The following CA10 variants were observed in gnomAD, a reference collection of about 807,000 sequenced individuals.
CA10 encodes the protein carbonic anhydrase 10 (inactive).
A neutral mutation model predicts 44.2 loss-of-function variants in CA10; 14 were observed. The observed-to-expected ratio is 0.32, with a 90% CI of 0.21 to 0.50. The LOEUF is 0.50. Among genes scored for constraint, CA10 ranks in the 20% least tolerant of loss-of-function variants. The pLI is 0.99. For synonymous variants in CA10, 159 were observed against 141.6 expected (o/e 1.12, Z -0.87); for missense variants, 350 against 409.7 (o/e 0.85, Z 1.26).
At chr17:51,910,035 G>A (rs202125) in intron 3 of CA10, among the ~76,000 whole-genome samples, 12 of 152,004 alleles carry the variant, frequency 7.9e-5, no homozygotes, top group South Asian at 2.1e-4. Context: ...TATCGTCATC[G>A]TTTCTTTTCA....
At chr17:51,847,301 A>G (rs1978537931) in intron 3 of CA10, among the ~76,000 whole-genome samples, 1 of 152,180 alleles carries the variant, frequency 6.6e-6, no homozygotes, top group Non-Finnish European at 1.5e-5. Flanking sequence ...CAGAAGGCAA[A>G]TGAAGTAGTC....
intron 4 of CA10, among the ~76,000 whole-genome samples, chr17:51,744,265 A>C (rs1904579144): frequency 6.6e-6 from 1 of 151,662 alleles, no homozygotes; most frequent in Non-Finnish European, 1.5e-5. Flanking sequence ...CAGTGAACCG[A>C]GATCATGGCA....
At chr17:51,837,778 T>C (rs1417691003) in intron 3 of CA10, among the ~76,000 whole-genome samples, 1 of 152,236 alleles carries the variant, frequency 6.6e-6, no homozygotes, top group Non-Finnish European at 1.5e-5. Flanking sequence ...CTTTCCATTA[T>C]TTTTAACTTT....
At chr17:51,813,367 T>C (rs1171121343) in intron 3 of CA10, among the ~76,000 whole-genome samples, 2 of 152,242 alleles carry the variant, frequency 1.3e-5, no homozygotes, top group Non-Finnish European at 2.9e-5. Flanking sequence ...CATAAATCCG[T>C]TGGCTTCCAT....
chr17:52,018,637 G>T (rs1431936868), intron 2 of CA10, among the ~76,000 whole-genome samples: 1 of 152,064 alleles, frequency 6.6e-6, no homozygotes, highest in Non-Finnish European at 1.5e-5. Context: ...GTAGGTAGAA[G>T]AAGCTTGCCT....
chr17:51,997,651 A>T (rs1985283420), intron 2 of CA10, among the ~76,000 whole-genome samples: 1 of 152,090 alleles, frequency 6.6e-6, no homozygotes, highest in South Asian at 2.1e-4. Flanking sequence ...GGTAGAAGAG[A>T]GTTAAGCTGT....
chr17:51,831,693 G>GCAGCATCAGCATCAGCAT (rs968557824), intron 3 of CA10, among the ~76,000 whole-genome samples: 1 of 80,962 alleles, frequency 1.2e-5, no homozygotes, highest in African/African-American at 3.7e-5. Context: ...AGCAGCAGCA[G>GCAGCATCAGCATCAGCAT]CAGCAGCAGC....
At chr17:51,880,181 TA>T (rs1270608828) in intron 3 of CA10, among the ~76,000 whole-genome samples, 4 of 152,160 alleles carry the variant, frequency 2.6e-5, no homozygotes, top group African/African-American at 9.7e-5. Flanking sequence ...GCAGAAACCG[TA>T]ATAAGGCTCT....
intron 3 of CA10, among the ~76,000 whole-genome samples, chr17:51,842,503 A>G (rs1978332747): frequency 1.3e-5 from 2 of 152,206 alleles, no homozygotes; most frequent in African/African-American, 2.4e-5. Flanking sequence ...CTCTGTGTTC[A>G]CTATCAGAAT....
At chr17:51,674,553 T>C (rs1187632174) in intron 4 of CA10, among the ~76,000 whole-genome samples, 1 of 152,220 alleles carries the variant, frequency 6.6e-6, no homozygotes, top group Non-Finnish European at 1.5e-5. Flanking sequence ...GAGGCATATA[T>C]AGAACAGCCT....
intron 3 of CA10, among the ~76,000 whole-genome samples, chr17:51,772,407 CAA>C (rs956164429): frequency 6.6e-6 from 1 of 151,192 alleles, no homozygotes; most frequent in South Asian, 2.1e-4. Context: ...TGATACGAAG[CAA>C]AAAAAAGTGA....
At chr17:52,112,068 A>G (rs534735746) in intron 1 of CA10, among the ~76,000 whole-genome samples, 4 of 152,278 alleles carry the variant, frequency 2.6e-5, no homozygotes, top group Middle Eastern at 3.4e-3. Context: ...ATGAATGCCT[A>G]AAGACTAGTT....
At chr17:52,135,366 G>C (rs951942955) in intron 1 of CA10, among the ~76,000 whole-genome samples, 1 of 152,074 alleles carries the variant, frequency 6.6e-6, no homozygotes, top group African/African-American at 2.4e-5. Flanking sequence ...TGCAGTAAAG[G>C]CTTTTGTGTC....
chr17:52,006,892 G>A (rs138231195), intron 2 of CA10, among the ~76,000 whole-genome samples: 10 of 151,772 alleles, frequency 6.6e-5, no homozygotes, highest in East Asian at 3.9e-4. Context: ...TTAGCCAGTC[G>A]TGCACATTGT....
intron 4 of CA10, among the ~76,000 whole-genome samples, chr17:51,689,479 C>A (rs1020960387): frequency 6.6e-6 from 1 of 152,058 alleles, no homozygotes; most frequent in Non-Finnish European, 1.5e-5. Context: ...CATAAATTGG[C>A]AAAGGAGAAA....
chr17:52,079,701 C>G (rs1364586494), intron 1 of CA10, among the ~76,000 whole-genome samples: 2 of 152,122 alleles, frequency 1.3e-5, no homozygotes, highest in African/African-American at 4.8e-5. Context: ...CAAGCCCACA[C>G]GTGCTTGACA....
chr17:52,107,790 T>C (rs1256864663), intron 1 of CA10, among the ~76,000 whole-genome samples: 1 of 152,166 alleles, frequency 6.6e-6, no homozygotes, highest in Non-Finnish European at 1.5e-5. Context: ...ACCCAGTCCC[T>C]AGACACAGTT....
chr17:52,082,862 TC>T, intron 1 of CA10, among the ~76,000 whole-genome samples: 1 of 152,196 alleles, frequency 6.6e-6, no homozygotes, highest in Non-Finnish European at 1.5e-5. Context: ...TTCATAGAAA[TC>T]TATTCCATAT....
chr17:52,072,538 C>CT (rs1212796765), intron 1 of CA10, 145 bp from the exon 2 acceptor site: 58 of 408,690 alleles, frequency 1.4e-4, no homozygotes, highest in Admixed American at 1.3e-3. Context: ...TTCTCCCTTC[C>CT]CTTTTTTTTT....
Sources: gnomAD v4.1 joint callset for allele counts (sites outside exome capture counted in the v4.1 genomes callset) on GRCh38, gnomAD v4.1.1 for gene constraint, MANE v1.5 for transcripts, NCBI Gene and HGNC (gene_info 2026-07-23, HGNC 2026-07-21) for gene names.